MAML3: variants seen among roughly 807,000 people sequenced by gnomAD.
MAML3 encodes mastermind like transcriptional coactivator 3, also known as mastermind-like protein 3.
In MAML3, 27 loss-of-function variants were observed where a neutral mutation model predicts 101.9. The ratio of observed to expected loss-of-function variants is 0.27; its 90% CI spans 0.20 to 0.37. MAML3 has a LOEUF of 0.37. MAML3 is among the 10% of genes least tolerant of loss of function. MAML3 has a pLI of 1.00. For missense variants in MAML3, 1,316 were observed against 1,444.9 expected (o/e 0.91, Z 1.45); for synonymous variants, 501 against 555.9 (o/e 0.90, Z 1.39).
chr4:139,856,529 A>C (rs1472619645), intron 2 of MAML3, among the ~76,000 whole-genome samples: 2 of 152,364 alleles, frequency 1.3e-5, no homozygotes, highest in African/African-American at 4.8e-5. Flanking sequence ...ACTGTCAGTG[A>C]TCACAAAGCA....
chr4:139,868,744 G>T (rs1168008241), intron 2 of MAML3, among the ~76,000 whole-genome samples: 2 of 152,012 alleles, frequency 1.3e-5, no homozygotes, highest in African/African-American at 4.8e-5. Flanking sequence ...GTGGCATTTT[G>T]TCTTTATAAC....
At chr4:139,831,815 C>G (rs1447687230) in intron 2 of MAML3, among the ~76,000 whole-genome samples, 21 of 149,646 alleles carry the variant, frequency 1.4e-4, no homozygotes, top group African/African-American at 7.4e-5. Context: ...TTTTTTGAGA[C>G]GGAGTCTTGC....
intron 1 of MAML3, among the ~76,000 whole-genome samples, chr4:140,025,562 A>G (rs1156531731): frequency 6.6e-6 from 1 of 152,188 alleles, no homozygotes. Flanking sequence ...ACACCTGGGT[A>G]CACAGTTCAC....
chr4:140,037,515 G>A (rs1434932485), intron 1 of MAML3, among the ~76,000 whole-genome samples: 7 of 152,182 alleles, frequency 4.6e-5, no homozygotes. Flanking sequence ...AAAGGAATCT[G>A]AGTAATGCCC....
intron 2 of MAML3, among the ~76,000 whole-genome samples, chr4:139,885,932 C>CAAAAAAAAA (rs1182443191): frequency 2.5e-4 from 5 of 20,288 alleles, no homozygotes; most frequent in African/African-American, 5.3e-4. Context: ...GACTCCGTCT[C>CAAAAAAAAA]AAAAAAAAAA....
intron 3 of MAML3, 58 bp downstream of exon 3, chr4:139,730,358 A>G (rs1161162435): frequency 3.4e-6 from 5 of 1,453,236 alleles, no homozygotes; most frequent in Non-Finnish European, 4.7e-6. Flanking sequence ...GGCAGCAGGC[A>G]GGTGCTGAAT....
intron 1 of MAML3, among the ~76,000 whole-genome samples, chr4:139,993,351 C>CAAAAA: frequency 7.8e-6 from 1 of 127,410 alleles, no homozygotes; most frequent in Non-Finnish European, 1.7e-5. Context: ...GACTCCATCT[C>CAAAAA]AAAAAAAAAA....
chr4:140,006,247 A>G (rs1398677231), intron 1 of MAML3, among the ~76,000 whole-genome samples: 1 of 152,124 alleles, frequency 6.6e-6, no homozygotes, highest in Non-Finnish European at 1.5e-5. Context: ...GGAGGGGTCC[A>G]TAGCACTCCC....
intron 2 of MAML3, among the ~76,000 whole-genome samples, chr4:139,788,290 G>A (rs2175458): frequency 0.38 from 57,623 of 151,972 alleles, 12,580 homozygotes; most frequent in Non-Finnish European, 0.49. Context: ...GTCAAATGGA[G>A]CCTTCCGCAC....
chr4:139,771,090 C>T (rs932647982), intron 2 of MAML3, among the ~76,000 whole-genome samples: 5 of 152,208 alleles, frequency 3.3e-5, no homozygotes, highest in Admixed American at 6.5e-5. Flanking sequence ...CGGAATCTTA[C>T]GTTTTATCCA....
At chr4:139,987,338 C>T (rs571329867) in intron 1 of MAML3, among the ~76,000 whole-genome samples, 3 of 152,166 alleles carry the variant, frequency 2.0e-5, no homozygotes, top group Non-Finnish European at 4.4e-5. Context: ...CATGGTAAGG[C>T]AGAAAAACAG....
intron 1 of MAML3, among the ~76,000 whole-genome samples, chr4:140,120,674 G>C (rs1240779599): frequency 2.0e-5 from 3 of 152,106 alleles, no homozygotes; most frequent in Non-Finnish European, 4.4e-5. Flanking sequence ...AGATCGAATA[G>C]TTTCTCCTTA....
At chr4:139,900,217 T>A (rs1003985746) in intron 1 of MAML3, among the ~76,000 whole-genome samples, 14 of 152,236 alleles carry the variant, frequency 9.2e-5, no homozygotes, top group Non-Finnish European at 1.9e-4. Flanking sequence ...GTGCCTCTTT[T>A]CAATGTTTGG....
chr4:139,779,278 ACCTC>A (rs1167991189), intron 2 of MAML3, among the ~76,000 whole-genome samples: 2 of 152,198 alleles, frequency 1.3e-5, no homozygotes, highest in Non-Finnish European at 2.9e-5. Context: ...TGATTCACAC[ACCTC>A]ACAGAAGGCA....
chr4:140,084,934 C>CG (rs1727926734), intron 1 of MAML3, among the ~76,000 whole-genome samples: 1 of 152,046 alleles, frequency 6.6e-6, no homozygotes, highest in Non-Finnish European at 1.5e-5. Context: ...TTAAAAACAT[C>CG]GGGGGGCGGC....
intron 2 of MAML3, among the ~76,000 whole-genome samples, chr4:139,738,058 A>G (rs1729013319): frequency 6.6e-6 from 1 of 152,172 alleles, no homozygotes; most frequent in African/African-American, 2.4e-5. Flanking sequence ...AACAGTGTAC[A>G]TTGGGGGAAC....
At chr4:139,860,687 A>C (rs544893860) in intron 2 of MAML3, among the ~76,000 whole-genome samples, 1 of 152,316 alleles carries the variant, frequency 6.6e-6, no homozygotes, top group South Asian at 2.1e-4. Flanking sequence ...TACGCATGCA[A>C]GGGCACTCAG....
rs1560909039 is a variant in MAML3 at position 140,149,355 on chromosome 4, G to A, written c.468+3505C>T. On this transcript the variant is annotated intron_variant, in intron 1 of 4. Transcript: ENST00000509479. The stretch of plus-strand genomic sequence containing the variant: ...CACCTGCTCTATCAACAGGGCTGGT[G>A]AGGACTCACACAGAACCCAGCCCCC... Among the ~76,000 whole-genome samples the A allele has an allele frequency of 7.9e-5, 12 of 152,208 alleles. No individual in the cohort carries two copies. In the South Asian group the frequency reaches 2.5e-3, roughly 31 times the overall value.
intron 1 of MAML3, among the ~76,000 whole-genome samples, chr4:140,141,707 T>C (rs568039430): frequency 6.6e-6 from 1 of 152,322 alleles, no homozygotes; most frequent in East Asian, 1.9e-4. Context: ...AGATGTGTTA[T>C]TTGCCAAATA....
Sources: allele counts gnomAD v4.1 joint callset (sites outside exome capture counted in the v4.1 genomes callset), GRCh38; gene constraint gnomAD v4.1.1; transcripts MANE v1.5; gene names NCBI Gene and HGNC (gene_info 2026-07-23, HGNC 2026-07-21).